PTPRR: variants seen among roughly 807,000 people sequenced by gnomAD.
PTPRR encodes receptor-type tyrosine-protein phosphatase R.
Under a neutral mutation model 77.2 loss-of-function variants are expected in PTPRR, and 38 were observed. The observed-to-expected ratio is 0.49, with a 90% CI of 0.38 to 0.65. The LOEUF is 0.65. PTPRR is among the 30% of genes least tolerant of loss of function. The probability of loss-of-function intolerance (pLI) is 0.00; values close to 1 mark genes in which losing one functional copy is unlikely to be tolerated. For missense variants in PTPRR, 744 were observed against 799.2 expected (o/e 0.93, Z 0.83); for synonymous variants, 299 against 283.1 (o/e 1.06, Z -0.57).
intron 2 of PTPRR, among the ~76,000 whole-genome samples, chr12:70,868,565 G>A (rs371845314): frequency 0.057 from 8,577 of 151,400 alleles, 302 homozygotes; most frequent in African/African-American, 0.12. Flanking sequence ...GTGGAGAAAT[G>A]GGAACACTTT....
In PTPRR at chr12:70,892,741, T is replaced by C. The variant is rs1893359301; in HGVS notation, c.295A>G (p.Met99Val). The change falls in exon 2 of 14, where the codon ATG (methionine) becomes GTG (valine). Residue 99 changes from methionine to valine, a missense_variant. This residue lies in a region of PTPRR where 570 missense variants were observed against 573.2 expected (regional missense o/e 0.99). Coordinates refer to ENST00000283228, the MANE Select transcript of PTPRR (RefSeq NM_002849.4). Reference sequence around the variant, plus strand: ...TCCACTTCAAGATCTTGACCATCCATGGCCAGCAGATTGAGAGACGGGTCA... The same window carrying C: ...TCCACTTCAAGATCTTGACCATCCACGGCCAGCAGATTGAGAGACGGGTCA... Reference protein sequence around the residue: ...AYDPSLNLLAMDGQDLEVENL... With the variant: ...AYDPSLNLLAVDGQDLEVENL... 2.5e-6 allele frequency: 4 copies of C among 1,613,392 alleles called. No individual in the cohort carries two copies. Among genetic ancestry groups the C allele is most frequent in the Non-Finnish European group, 3.4e-6 (4 of 1,179,562 alleles).
intron 6 of PTPRR, among the ~76,000 whole-genome samples, chr12:70,718,554 A>G (rs1889123346): frequency 6.6e-6 from 1 of 152,146 alleles, no homozygotes; most frequent in African/African-American, 2.4e-5. Context: ...GTGAGCCACT[A>G]TGCCTGGCCG....
At chr12:70,681,407 T>G (rs1027501627) in intron 10 of PTPRR, among the ~76,000 whole-genome samples, 6 of 152,232 alleles carry the variant, frequency 3.9e-5, no homozygotes, top group African/African-American at 9.6e-5. Flanking sequence ...CTGTAGAAAC[T>G]GCAGGATTCT....
chr12:70,798,490 G>C (rs930995517), intron 2 of PTPRR, among the ~76,000 whole-genome samples: 6 of 152,064 alleles, frequency 3.9e-5, no homozygotes, highest in Admixed American at 1.3e-4. Context: ...TTTACAACAG[G>C]CTCCACAGCT....
chr12:70,706,855 A>G (rs1334141787), intron 6 of PTPRR, among the ~76,000 whole-genome samples: 1 of 152,164 alleles, frequency 6.6e-6, no homozygotes, highest in Non-Finnish European at 1.5e-5. Flanking sequence ...GAATAATAAT[A>G]AAACTCACAA....
At chr12:70,824,774 A>G (rs971669990) in intron 2 of PTPRR, among the ~76,000 whole-genome samples, 1 of 152,204 alleles carries the variant, frequency 6.6e-6, no homozygotes, top group African/African-American at 2.4e-5. Context: ...TCTGTGTAAG[A>G]GTAAAGATGA....
intron 2 of PTPRR, among the ~76,000 whole-genome samples, chr12:70,886,810 A>G (rs899672458): frequency 4.6e-5 from 7 of 152,230 alleles, no homozygotes; most frequent in Admixed American, 6.5e-5. Flanking sequence ...CTTTCATCAA[A>G]TAAATAGTTA....
intron 2 of PTPRR, among the ~76,000 whole-genome samples, chr12:70,810,660 T>C (rs1476630919): frequency 6.6e-6 from 1 of 152,198 alleles, no homozygotes; most frequent in Non-Finnish European, 1.5e-5. Context: ...ATTTCTCTGA[T>C]AAATTGTTTG....
At chr12:70,737,149 T>C (rs998434865) in intron 6 of PTPRR, among the ~76,000 whole-genome samples, 2 of 152,150 alleles carry the variant, frequency 1.3e-5, no homozygotes, top group Admixed American at 1.3e-4. Context: ...TTGGCTGGCA[T>C]GAGGGTGCAG....
chr12:70,758,282 T>C (rs984326263), intron 4 of PTPRR, among the ~76,000 whole-genome samples: 4 of 152,312 alleles, frequency 2.6e-5, no homozygotes, highest in South Asian at 2.1e-4. Flanking sequence ...TGTGAGCTAG[T>C]AGCTCTGTGA....
At chr12:70,861,639 G>C (rs1374948363) in intron 2 of PTPRR, among the ~76,000 whole-genome samples, 2 of 152,104 alleles carry the variant, frequency 1.3e-5, no homozygotes, top group Non-Finnish European at 2.9e-5. Context: ...CTGTGTTCTA[G>C]GCTGCAGTGA....
At chr12:70,872,704 A>AC (rs1441408887) in intron 2 of PTPRR, among the ~76,000 whole-genome samples, 3 of 148,662 alleles carry the variant, frequency 2.0e-5, no homozygotes, top group African/African-American at 7.4e-5. Flanking sequence ...CAAAAAAAAA[A>AC]AAAAAAAAAA....
chr12:70,851,560 A>G (rs1024627692), intron 2 of PTPRR, among the ~76,000 whole-genome samples: 3 of 152,124 alleles, frequency 2.0e-5, no homozygotes, highest in African/African-American at 4.8e-5. Context: ...CTGAAAACAG[A>G]GAGAATAAGA....
intron 6 of PTPRR, among the ~76,000 whole-genome samples, chr12:70,710,233 C>T (rs1888775521): frequency 6.6e-6 from 1 of 151,904 alleles, no homozygotes; most frequent in Non-Finnish European, 1.5e-5. Context: ...AATAGAGATG[C>T]CAGAAATAAG....
intron 6 of PTPRR, among the ~76,000 whole-genome samples, chr12:70,730,585 C>T (rs1244108993): frequency 6.6e-6 from 1 of 151,788 alleles, no homozygotes; most frequent in Non-Finnish European, 1.5e-5. Context: ...GTAATTCTAG[C>T]ACTTTGGGAG....
At chr12:70,878,074 C>G (rs563223179) in intron 2 of PTPRR, among the ~76,000 whole-genome samples, 4 of 152,266 alleles carry the variant, frequency 2.6e-5, no homozygotes, top group Non-Finnish European at 4.4e-5. Flanking sequence ...TCGATCCCTT[C>G]CTTACACCTT....
chr12:70,873,604 GTGGAATCC>G (rs890894788), intron 2 of PTPRR, among the ~76,000 whole-genome samples: 1 of 152,130 alleles, frequency 6.6e-6, no homozygotes, highest in African/African-American at 2.4e-5. Context: ...ACAAAAATAT[GTGGAATCC>G]TCTGATGAAG....
At position 70,778,583 on chromosome 12, in the gene PTPRR, G is replaced by T. The variant is rs73345125; in HGVS notation, c.358-13805C>A. On this transcript the variant is annotated intron_variant, in intron 2 of 13. Transcript: ENST00000283228. The stretch of plus-strand genomic sequence containing the variant: ...ATGTGCTTATTTTCTCTAATCACTT[G>T]TATGTTTTTATTCAGCTAAAATTCT... 7.4e-3 allele frequency among the ~76,000 whole-genome samples: 1,119 copies of T among 151,958 alleles called. 11 individuals carry two copies. Among genetic ancestry groups the T allele is most frequent in the African/African-American group, 0.025 (1,054 of 41,474 alleles).
At chr12:70,819,577 C>A (rs996210335) in intron 2 of PTPRR, among the ~76,000 whole-genome samples, 1 of 152,178 alleles carries the variant, frequency 6.6e-6, no homozygotes, top group Non-Finnish European at 1.5e-5. Flanking sequence ...CAGTAAGTCA[C>A]TATTCTCTCA....
Sources: gnomAD v4.1 joint callset for allele counts (sites outside exome capture counted in the v4.1 genomes callset) on GRCh38, gnomAD v4.1.1 for gene constraint, gnomAD v4.1.1 regional missense constraint, MANE v1.5 for transcripts, NCBI Gene and HGNC (gene_info 2026-07-23, HGNC 2026-07-21) for gene names.